The following LRRC37B variants were observed in gnomAD, a reference collection of about 807,000 sequenced individuals.
The protein encoded by LRRC37B is leucine-rich repeat-containing protein 37B.
LRRC37B carries 28 observed loss-of-function variants against 98.3 expected under a neutral mutation model. The ratio of observed to expected loss-of-function variants is 0.28; its 90% CI spans 0.21 to 0.39. The LOEUF is 0.39. Ranked by LOEUF, LRRC37B falls within the 10% of genes least tolerant of loss-of-function variation. The pLI is 1.00. For synonymous variants in LRRC37B, 364 were observed against 442.7 expected (o/e 0.82, Z 2.23); for missense variants, 938 against 1,182.7 (o/e 0.79, Z 3.03).
chr17:32,027,358 TGTGC>T (rs1910986110), intron 2 of LRRC37B, among the ~76,000 whole-genome samples: 1 of 150,358 alleles, frequency 6.7e-6, no homozygotes, highest in Admixed American at 6.6e-5. Flanking sequence ...CTTGTGTGTG[TGTGC>T]TTGTGTGTGT....
intron 1 of LRRC37B, among the ~76,000 whole-genome samples, chr17:32,011,524 A>C (rs2142234718): frequency 6.7e-6 from 1 of 148,812 alleles, no homozygotes; most frequent in African/African-American, 2.5e-5. Context: ...TTAAGACAGA[A>C]TCTAGCTCCG....
At chr17:32,007,987 C>G, upstream of LRRC37B, 1 of 493,228 alleles carries the variant, frequency 2.0e-6, no homozygotes, top group Non-Finnish European at 3.6e-6. The surrounding 1 kb of genome is among the most constrained non-coding windows in gnomAD (Gnocchi z 4.1). Context: ...AGGGGGGCGG[C>G]GATGCCGAGG....
chr17:32,021,666 C>T, exon 1 of LRRC37B: 1 of 1,614,188 alleles, frequency 6.2e-7, no homozygotes, highest in Admixed American at 1.7e-5. Context: ...AATACTTGTT[C>T]CACTAGACAG....
intron 7 of LRRC37B, among the ~76,000 whole-genome samples, chr17:32,038,574 T>A (rs1334011425): frequency 6.6e-6 from 1 of 152,144 alleles, no homozygotes; most frequent in Non-Finnish European, 1.5e-5. Flanking sequence ...AAGTGTTCTC[T>A]GGCTGGGCAT....
At chr17:32,045,706 A>T (rs1260030653) in exon 8 of LRRC37B, 34 of 1,605,042 alleles carry the variant, frequency 2.1e-5, no homozygotes, top group Non-Finnish European at 2.7e-5. Flanking sequence ...ATAGGATCTT[A>T]CCTAGCCATA....
chr17:32,046,599 CTTTTTTTT>C (rs796570580), intron 8 of LRRC37B, among the ~76,000 whole-genome samples: 1 of 132,826 alleles, frequency 7.5e-6, no homozygotes, highest in Non-Finnish European at 1.6e-5. Context: ...TTCTTTTTTT[CTTTTTTTT>C]TTTTTTTTTT....
At chr17:32,010,155 A>G (rs1598199537) in intron 1 of LRRC37B, among the ~76,000 whole-genome samples, 1 of 152,034 alleles carries the variant, frequency 6.6e-6, no homozygotes, top group East Asian at 1.9e-4. Flanking sequence ...TCATCTAACA[A>G]CTCTGCCTAA....
intron 1 of LRRC37B, chr17:32,024,414 A>C (rs560732178): frequency 1.6e-6 from 1 of 616,166 alleles, no homozygotes; most frequent in East Asian, 2.7e-5. Flanking sequence ...TTGTTTAGAC[A>C]CATAAGTGCT....
At chr17:32,036,977 T>A (rs574162682) in intron 7 of LRRC37B, among the ~76,000 whole-genome samples, 4 of 51,212 alleles carry the variant, frequency 7.8e-5, no homozygotes, top group African/African-American at 1.1e-4. Context: ...ATCTTCAGCA[T>A]TTTTTTTTTT....
At chr17:32,015,544 G>A (rs1207192964) in intron 1 of LRRC37B, among the ~76,000 whole-genome samples, 1 of 152,152 alleles carries the variant, frequency 6.6e-6, no homozygotes, top group African/African-American at 2.4e-5. Context: ...TTTCCTTCTA[G>A]AAACATACAT....
intron 11 of LRRC37B, chr17:32,051,817 G>T (rs1217427263): frequency 1.3e-5 from 2 of 152,262 alleles, no homozygotes; most frequent in Non-Finnish European, 2.9e-5. Context: ...TTCATGTCAT[G>T]AATTCATTTC....
chr17:32,050,032 T>C (rs772274995), exon 11 of LRRC37B: 10 of 1,583,268 alleles, frequency 6.3e-6, no homozygotes, highest in East Asian at 2.2e-5. Flanking sequence ...GAGATGACTA[T>C]AAGAACAAAC....
At chr17:32,032,483 C>T (rs1035055025) in intron 5 of LRRC37B, among the ~76,000 whole-genome samples, 1 of 152,066 alleles carries the variant, frequency 6.6e-6, no homozygotes, top group African/African-American at 2.4e-5. Context: ...ATAACATACC[C>T]AGCAAATCAG....
At chr17:32,045,095 C>T (rs1911536076) in intron 7 of LRRC37B, among the ~76,000 whole-genome samples, 2 of 151,480 alleles carry the variant, frequency 1.3e-5, no homozygotes, top group South Asian at 4.2e-4. Context: ...CATTTATTAG[C>T]TATCATTATT....
intron 2 of LRRC37B, among the ~76,000 whole-genome samples, chr17:32,025,863 A>G (rs1293177219): frequency 6.6e-6 from 1 of 152,114 alleles, no homozygotes; most frequent in South Asian, 2.1e-4. Context: ...AGAATATGAC[A>G]GCATTCATTT....
intron 7 of LRRC37B, among the ~76,000 whole-genome samples, chr17:32,039,398 A>G (rs1309720470): frequency 3.5e-5 from 5 of 144,342 alleles, no homozygotes; most frequent in African/African-American, 1.3e-4. Flanking sequence ...TATCGCTTGA[A>G]CCCAGGAGGT....
chr17:32,011,538 C>A (rs1488312705), intron 1 of LRRC37B, among the ~76,000 whole-genome samples: 2 of 151,208 alleles, frequency 1.3e-5, no homozygotes, highest in Non-Finnish European at 2.9e-5. Context: ...AGCTCCGTTG[C>A]CCAGAATGGA....
chr17:32,011,655 G>A (rs1287217220), intron 1 of LRRC37B, among the ~76,000 whole-genome samples: 7 of 151,830 alleles, frequency 4.6e-5, no homozygotes, highest in South Asian at 2.1e-4. Context: ...CCACCACCAC[G>A]CCCAGCTAAT....
chr17:32,043,800 C>T (rs181551264), intron 7 of LRRC37B, among the ~76,000 whole-genome samples: 5 of 152,068 alleles, frequency 3.3e-5, no homozygotes, highest in African/African-American at 9.7e-5. Context: ...CTTCATGTAT[C>T]CATTGAATAC....
Sources: gnomAD v4.1 joint callset for allele counts (sites outside exome capture counted in the v4.1 genomes callset) on GRCh38, gnomAD v4.1.1 for gene constraint, Gnocchi (gnomAD v3.1) non-coding constraint, MANE v1.5 for transcripts, NCBI Gene and HGNC (gene_info 2026-07-23, HGNC 2026-07-21) for gene names.